The following HS3ST4 variants were observed in gnomAD, a reference collection of about 807,000 sequenced individuals.
The protein encoded by HS3ST4 is heparan sulfate glucosamine 3-O-sulfotransferase 4.
Under a neutral mutation model 29.2 loss-of-function variants are expected in HS3ST4, and 17 were observed. The ratio of observed to expected loss-of-function variants is 0.58; its 90% CI spans 0.40 to 0.87. The LOEUF is 0.87. Among genes scored for constraint, HS3ST4 ranks in the 40% least tolerant of loss-of-function variants. The pLI is 0.00. For missense variants in HS3ST4, 627 were observed against 634.5 expected (o/e 0.99, Z 0.13); for synonymous variants, 314 against 285.7 (o/e 1.10, Z -1.00).
At chr16:26,089,704 G>A (rs892485736) in intron 1 of HS3ST4, among the ~76,000 whole-genome samples, 3 of 152,168 alleles carry the variant, frequency 2.0e-5, no homozygotes, top group Non-Finnish European at 2.9e-5. Context: ...GTCACTTAAG[G>A]CCCGTTGTTT....
intron 1 of HS3ST4, among the ~76,000 whole-genome samples, chr16:25,740,705 T>C (rs1966645953): frequency 6.6e-6 from 1 of 152,158 alleles, no homozygotes; most frequent in Non-Finnish European, 1.5e-5. Context: ...CAACAACCTG[T>C]GAGGACAGTG....
chr16:25,794,819 G>A (rs1421906114), intron 1 of HS3ST4, among the ~76,000 whole-genome samples: 1 of 150,070 alleles, frequency 6.7e-6, no homozygotes, highest in Middle Eastern at 3.2e-3. Context: ...TATCTATTCC[G>A]ATATTGACCT....
At chr16:26,128,186 CA>C (rs1041562649) in intron 1 of HS3ST4, among the ~76,000 whole-genome samples, 5 of 152,274 alleles carry the variant, frequency 3.3e-5, no homozygotes, top group African/African-American at 1.2e-4. Context: ...GATGGGACAG[CA>C]AAAATGTCCC....
chr16:25,799,033 A>G (rs1448113065), intron 1 of HS3ST4, among the ~76,000 whole-genome samples: 3 of 152,228 alleles, frequency 2.0e-5, no homozygotes, highest in Admixed American at 2.0e-4. Context: ...ATAAGCAGCA[A>G]GAATGGCTGT....
chr16:26,113,362 C>T (rs1174355147), intron 1 of HS3ST4, among the ~76,000 whole-genome samples: 2 of 151,318 alleles, frequency 1.3e-5, no homozygotes, highest in African/African-American at 2.4e-5. Context: ...AAGAGAATCG[C>T]TTGAAACCGG....
At chr16:25,975,674 T>C (rs1968937278) in intron 1 of HS3ST4, among the ~76,000 whole-genome samples, 1 of 152,186 alleles carries the variant, frequency 6.6e-6, no homozygotes, top group Non-Finnish European at 1.5e-5. Context: ...TCATTGGTCA[T>C]CTTGCCCCTC....
At chr16:25,818,606 T>A (rs1967118606) in intron 1 of HS3ST4, among the ~76,000 whole-genome samples, 1 of 152,324 alleles carries the variant, frequency 6.6e-6, no homozygotes, top group African/African-American at 2.4e-5. Context: ...TTATTTCCCA[T>A]GAGAAATGTC....
At chr16:25,702,166 G>A (rs374843888) in intron 1 of HS3ST4, among the ~76,000 whole-genome samples, 3 of 152,116 alleles carry the variant, frequency 2.0e-5, no homozygotes, top group Admixed American at 6.5e-5. Flanking sequence ...GAGAAAGGGG[G>A]GAGGTAGAAT....
intron 1 of HS3ST4, among the ~76,000 whole-genome samples, chr16:25,878,450 A>G (rs990156956): frequency 6.6e-6 from 1 of 152,206 alleles, no homozygotes; most frequent in Admixed American, 6.5e-5. Context: ...ACCCAAACTT[A>G]CAATGAAAAG....
At chr16:25,917,298 C>T (rs2141681138) in intron 1 of HS3ST4, among the ~76,000 whole-genome samples, 1 of 152,206 alleles carries the variant, frequency 6.6e-6, no homozygotes, top group South Asian at 2.1e-4. Context: ...CTGCAACCTC[C>T]ACCTCCCAGG....
intron 1 of HS3ST4, among the ~76,000 whole-genome samples, chr16:25,783,960 G>A (rs1966854984): frequency 6.6e-6 from 1 of 152,170 alleles, no homozygotes; most frequent in African/African-American, 2.4e-5. Flanking sequence ...CATTAAGCAA[G>A]TCTATAAGTG....
At chr16:26,131,857 C>T (rs1400241196) in intron 1 of HS3ST4, among the ~76,000 whole-genome samples, 1 of 152,234 alleles carries the variant, frequency 6.6e-6, no homozygotes, top group African/African-American at 2.4e-5. Flanking sequence ...ATTCACCCAT[C>T]TATTCACTCA....
At chr16:26,127,027 G>A (rs1359607283) in intron 1 of HS3ST4, among the ~76,000 whole-genome samples, 1 of 152,064 alleles carries the variant, frequency 6.6e-6, no homozygotes, top group East Asian at 1.9e-4. Context: ...TGTGATGGTG[G>A]TGGTGGTGGG....
intron 1 of HS3ST4, among the ~76,000 whole-genome samples, chr16:26,013,879 A>G (rs933948070): frequency 2.6e-5 from 4 of 152,050 alleles, no homozygotes; most frequent in Admixed American, 6.6e-5. Context: ...GTGTGGTGGC[A>G]TGCCCGTAGT....
intron 1 of HS3ST4, among the ~76,000 whole-genome samples, chr16:26,122,517 G>A (rs568419668): frequency 1.1e-4 from 17 of 152,298 alleles, no homozygotes; most frequent in Middle Eastern, 3.4e-3. Context: ...AGTTTGAGGC[G>A]TGGGCCCGGT....
chr16:25,855,435 G>C (rs368787859), intron 1 of HS3ST4, among the ~76,000 whole-genome samples: 2 of 152,140 alleles, frequency 1.3e-5, no homozygotes, highest in East Asian at 1.9e-4. Flanking sequence ...AGATGGCTTT[G>C]CAGGGCCATT....
intron 1 of HS3ST4, among the ~76,000 whole-genome samples, chr16:26,117,936 A>G (rs148706449): frequency 2.0e-5 from 3 of 152,332 alleles, no homozygotes; most frequent in Non-Finnish European, 4.4e-5. Context: ...ATGTGAACCA[A>G]CCAGTAAATT....
chr16:25,974,252 C>T (rs1968922735), intron 1 of HS3ST4, among the ~76,000 whole-genome samples: 1 of 152,208 alleles, frequency 6.6e-6, no homozygotes, highest in Non-Finnish European at 1.5e-5. Context: ...TTATCCAACA[C>T]TAGATTTTGC....
chr16:26,079,078 A>C (rs1898697635), intron 1 of HS3ST4, among the ~76,000 whole-genome samples: 1 of 152,216 alleles, frequency 6.6e-6, no homozygotes, highest in Non-Finnish European at 1.5e-5. Context: ...ACACTTTCTC[A>C]GGCCCCTTTG....
Sources: gnomAD v4.1 joint callset for allele counts (sites outside exome capture counted in the v4.1 genomes callset) on GRCh38, gnomAD v4.1.1 for gene constraint, MANE v1.5 for transcripts, NCBI Gene and HGNC (gene_info 2026-07-23, HGNC 2026-07-21) for gene names.